Variants in TENM1 observed in about 807,000 individuals in gnomAD.
The protein encoded by TENM1 is teneurin transmembrane protein 1.
In TENM1, 35 loss-of-function variants were observed where a neutral mutation model predicts 174.8. The ratio of observed to expected loss-of-function variants is 0.20; its 90% confidence interval spans 0.15 to 0.27. The LOEUF is 0.27. Among genes scored for constraint, TENM1 ranks in the 10% least tolerant of loss-of-function variants. The pLI, the probability that TENM1 is intolerant of heterozygous loss-of-function variation, is 1.00. For synonymous variants in TENM1, 781 were observed against 798.7 expected (o/e 0.98, Z 0.37); for missense variants, 1,633 against 2,130.1 (o/e 0.77, Z 4.59).
intron 3 of TENM1, among the ~76,000 whole-genome samples, chrX:124,888,403 T>C (rs113304327): frequency 0.014 from 1,574 of 111,466 alleles, 22 homozygotes; most frequent in African/African-American, 0.049. Flanking sequence ...CCTTAAAGGG[T>C]TACTACAATG....
intron 22 of TENM1, among the ~76,000 whole-genome samples, chrX:124,463,836 GGT>G (rs61128914): frequency 0.08 from 7,217 of 90,663 alleles, 345 homozygotes; most frequent in East Asian, 0.18. Flanking sequence ...TAGAGGTTGG[GGT>G]GTGTGTGTGT....
chrX:125,021,488 G>A, the TENM1 span, among the ~76,000 whole-genome samples: 2 of 111,576 alleles, frequency 1.8e-5, no homozygotes, highest in Non-Finnish European at 3.8e-5. Flanking sequence ...AAATGAAATA[G>A]TTGTAACACT....
intron 23 of TENM1, 111 bp downstream of exon 26, chrX:124,453,226 G>T: frequency 1.3e-6 from 1 of 777,699 alleles, no homozygotes; most frequent in Non-Finnish European, 1.8e-6. Context: ...GCTATCTGGT[G>T]TTATAACAGA....
At chrX:124,921,987 G>A (rs933760660) in intron 1 of TENM1, among the ~76,000 whole-genome samples, 2 of 111,653 alleles carry the variant, frequency 1.8e-5, no homozygotes, top group Non-Finnish European at 3.8e-5. Context: ...TACTTTTCCA[G>A]AGAGCCAGGT....
intron 3 of TENM1, among the ~76,000 whole-genome samples, chrX:124,792,002 T>C (rs1205796169): frequency 9.0e-6 from 1 of 110,845 alleles, no homozygotes; most frequent in African/African-American, 3.3e-5. Context: ...TTCTTTCAGA[T>C]AGTACAATAT....
At chrX:125,006,757 C>A in the TENM1 span, among the ~76,000 whole-genome samples, 1 of 111,462 alleles carries the variant, frequency 9.0e-6, no homozygotes, top group Non-Finnish European at 1.9e-5. Flanking sequence ...CAAATTGTAG[C>A]AGACCTGCAG....
chrX:124,481,705 A>ATATATC, intron 22 of TENM1, 27 bp downstream of exon 25: 1 of 368,783 alleles, frequency 2.7e-6, no homozygotes, highest in Non-Finnish European at 4.4e-6. Flanking sequence ...GTATATATAT[A>ATATATC]TATATATTTA....
chrX:125,039,783 C>T, the TENM1 span, among the ~76,000 whole-genome samples: 1 of 109,944 alleles, frequency 9.1e-6, no homozygotes, highest in African/African-American at 3.4e-5. Context: ...TACAGAAGAC[C>T]GTCTGTTCAA....
chrX:124,567,557 T>C (rs925929239), intron 11 of TENM1, among the ~76,000 whole-genome samples: 1 of 111,872 alleles, frequency 8.9e-6, no homozygotes, highest in Non-Finnish European at 1.9e-5. Context: ...GCTGTACTGA[T>C]AAAGGTGTAG....
chrX:124,921,323 G>T (rs1297873900), intron 1 of TENM1, among the ~76,000 whole-genome samples: 1 of 110,143 alleles, frequency 9.1e-6, no homozygotes, highest in Non-Finnish European at 1.9e-5. Context: ...GTAGAGTGAA[G>T]GTCTTTCCAT....
At chrX:124,517,253 G>A (rs999015749) in intron 18 of TENM1, among the ~76,000 whole-genome samples, 1 of 110,443 alleles carries the variant, frequency 9.1e-6, no homozygotes, top group African/African-American at 3.3e-5. Context: ...CCTGTGACAC[G>A]AATTTACCTA....
At chrX:124,437,527 G>A (rs1012679052) in intron 23 of TENM1, among the ~76,000 whole-genome samples, 1 of 111,156 alleles carries the variant, frequency 9.0e-6, no homozygotes, top group Non-Finnish European at 1.9e-5. Context: ...TCTCATTCTT[G>A]CAATTTTTGA....
At chrX:124,451,281 A>G (rs2147840518) in intron 23 of TENM1, among the ~76,000 whole-genome samples, 1 of 108,112 alleles carries the variant, frequency 9.2e-6, no homozygotes, top group East Asian at 2.9e-4. Context: ...TCACTGGCCT[A>G]AAAAAAAAAC....
rs1485088935 is a variant in TENM1 at position 124,545,881 on chromosome X, A to C, written c.2651+993T>G. Among the ~76,000 whole-genome samples, 5 of 112,124 alleles carry C rather than the reference A, an allele frequency of 4.5e-5. No individual in the cohort carries two copies. In the East Asian group the frequency reaches 1.1e-3, roughly 25 times the overall value. ...TAGAGAGTCAGAACTACACAATAAA[A>C]AAAAAATTTTAAACTTTTAAGTTTC... On this transcript the variant is annotated intron_variant, in intron 15 of 31. Transcript: ENST00000422452.
chrX:124,921,361 TACAA>T (rs201896629), intron 1 of TENM1, among the ~76,000 whole-genome samples: 3,932 of 110,820 alleles, frequency 0.035, 158 homozygotes, highest in African/African-American at 0.12. Flanking sequence ...TAAAAATATA[TACAA>T]ACAGACACAT....
chrX:124,547,830 T>TAAA (rs1174239811), intron 14 of TENM1, among the ~76,000 whole-genome samples: 1 of 111,878 alleles, frequency 8.9e-6, no homozygotes, highest in African/African-American at 3.2e-5. Context: ...TTGATGCAAT[T>TAAA]ACTATTCTAT....
intron 3 of TENM1, among the ~76,000 whole-genome samples, chrX:124,747,849 T>C (rs1385665377): frequency 9.0e-6 from 1 of 110,844 alleles, no homozygotes; most frequent in African/African-American, 3.3e-5. Flanking sequence ...ATGGGAATGA[T>C]GACAACCTGG....
intron 14 of TENM1, among the ~76,000 whole-genome samples, chrX:124,556,653 T>A (rs1182671956): frequency 9.0e-6 from 1 of 110,847 alleles, no homozygotes; most frequent in Non-Finnish European, 1.9e-5. Context: ...CTTTCTAATT[T>A]TTTTTTGTTT....
chrX:124,737,838 C>T (rs1168963717), intron 3 of TENM1, among the ~76,000 whole-genome samples: 2 of 112,280 alleles, frequency 1.8e-5, no homozygotes, highest in Non-Finnish European at 3.8e-5. Context: ...TTTCCATGGT[C>T]ATGCAAAGCA....
Sources: gnomAD v4.1 joint callset for allele counts (sites outside exome capture counted in the v4.1 genomes callset) on GRCh38, gnomAD v4.1.1 for gene constraint, MANE v1.5 for transcripts, NCBI Gene and HGNC (gene_info 2026-07-23, HGNC 2026-07-21) for gene names.